Variants in ACAN observed in about 807,000 individuals in gnomAD.
The protein encoded by ACAN is aggrecan, also known as aggrecan core protein.
In ACAN, 47 loss-of-function variants were observed where a neutral mutation model predicts 169.1. The observed-to-expected ratio is 0.28, with a 90% CI of 0.22 to 0.35. ACAN has a LOEUF of 0.35. Ranked by LOEUF, ACAN falls within the 10% of genes least tolerant of loss-of-function variation. The probability of loss-of-function intolerance (pLI) is 1.00; values close to 1 mark genes in which losing one functional copy is unlikely to be tolerated. For missense variants in ACAN, 2,716 were observed against 2,759.9 expected, an observed-to-expected ratio of 0.98 and a Z score of 0.36; for synonymous variants, 1,115 against 1,112.2, an observed-to-expected ratio of 1.00 and a Z score of -0.05.
chr15:88,870,997 G>GC lies in ACAN; in HGVS notation c.7061-379dup, dbSNP rs1361295248. ...CAGCTCCACTCCCTCTCTCCCTGGA[G>GC]CCCCCCAGAGCCACAGAACCATGTT... is the stretch of plus-strand genomic sequence containing the variant. On this transcript the variant is annotated intron_variant, in intron 14 of 18. Transcript: ENST00000560601. This position sits in a 1 kb window ranked among gnomAD's most constrained non-coding sequence, Gnocchi z 6.3. 2.0e-5 allele frequency among the ~76,000 whole-genome samples: 3 copies of GC among 152,276 alleles called. No individual in the cohort carries two copies. The highest frequency in any genetic ancestry group is 3.9e-4 in the East Asian group (2 of 5,180).
At chr15:88,860,687 G>A (rs1399537104) in intron 13 of ACAN, among the ~76,000 whole-genome samples, 1 of 152,216 alleles carries the variant, frequency 6.6e-6, no homozygotes, top group Non-Finnish European at 1.5e-5. Flanking sequence ...TCAGGCTGAT[G>A]ACTATTGTAG....
rs995442921 is a variant in ACAN, at chr15:88,874,294, C to T, written c.7631-111C>T. The T allele has an allele frequency of 1.7e-6, 2 of 1,166,914 alleles. No homozygotes were observed. The highest frequency in any genetic ancestry group is 2.0e-5 in the Admixed American group (1 of 49,796). 72.3% of individuals were successfully genotyped at this position (1,166,914 alleles called of 1,614,324 possible). ...TCAGGAAAGCCGATAAAGCCTCAGG[C>T]GCCTGAGTCCTGGTTTCCACAAGGG... On this transcript the variant is annotated intron_variant, in intron 18 of 18. Coordinates refer to ENST00000560601, the MANE Select transcript of ACAN (RefSeq NM_001369268.1). The surrounding 1 kb of genome is among the most constrained non-coding windows in gnomAD (Gnocchi z 7.3).
chr15:88,863,956 G>C (rs57339904), intron 13 of ACAN, among the ~76,000 whole-genome samples: 7,582 of 152,256 alleles, frequency 0.05, 646 homozygotes, highest in African/African-American at 0.17. Flanking sequence ...AGGATCACTT[G>C]AGCCCAGGAG....
At position 88,839,698 on chromosome 15, in the gene ACAN, T is replaced by C. The variant is rs1452294488; in HGVS notation, c.455-314T>C. 6.6e-6 allele frequency among the ~76,000 whole-genome samples: 1 copy of C among 152,208 alleles called. No individual in the cohort carries two copies. Among genetic ancestry groups the C allele is most frequent in the African/African-American group, 2.4e-5 (1 of 41,438 alleles). ...AGTGTCTGTTTCTCTTAATGCAATA[T>C]GGGGGTCTTGGAGTGATAAGAAAAA... On this transcript the variant is annotated intron_variant, in intron 3 of 18. Coordinates refer to ENST00000560601, the MANE Select transcript of ACAN (RefSeq NM_001369268.1). This position sits in a 1 kb window ranked among gnomAD's most constrained non-coding sequence, Gnocchi z 4.5.
intron 1 of ACAN, among the ~76,000 whole-genome samples, chr15:88,816,508 C>G (rs1382994704): frequency 6.6e-6 from 1 of 152,198 alleles, no homozygotes; most frequent in Non-Finnish European, 1.5e-5. Context: ...ACATACTTCA[C>G]ACTGAAGCAG....
At chr15:88,815,331 G>A (rs1895911870) in intron 1 of ACAN, among the ~76,000 whole-genome samples, 1 of 152,064 alleles carries the variant, frequency 6.6e-6, no homozygotes, top group Non-Finnish European at 1.5e-5. Flanking sequence ...GGCCGAGGTG[G>A]GAGGATCACT....
chr15:88,819,578 C>G (rs1434442160), intron 1 of ACAN, among the ~76,000 whole-genome samples: 2 of 130,164 alleles, frequency 1.5e-5, no homozygotes. Context: ...GCCTGGGCAA[C>G]ATAATGAGAC....
At position 88,868,549 on chromosome 15, in the gene ACAN, C is replaced by T. The variant is rs893043101; in HGVS notation, c.7060+220C>T. ...ACCCTTTTCTGGAGCACTGGCTGAT[C>T]TGACTTTCTCCAGGGCTTCCAGATC... On this transcript the variant is annotated intron_variant, in intron 14 of 18. Coordinates refer to ENST00000560601, the MANE Select transcript of ACAN (RefSeq NM_001369268.1). This position sits in a 1 kb window ranked among gnomAD's most constrained non-coding sequence, Gnocchi z 5.2. 3.9e-5 allele frequency among the ~76,000 whole-genome samples: 6 copies of T among 152,202 alleles called. No individual in the cohort carries two copies. Among genetic ancestry groups the T allele is most frequent in the Non-Finnish European group, 8.8e-5 (6 of 68,050 alleles).
chr15:88,846,461 G>A (rs916275304), intron 7 of ACAN, among the ~76,000 whole-genome samples: 15 of 152,200 alleles, frequency 9.9e-5, no homozygotes, highest in African/African-American at 3.6e-4. Flanking sequence ...AAATTTCAAT[G>A]TCCACAAATA....
rs1406560855 is a variant in ACAN at position 88,857,090 on chromosome 15, G to C, written c.4505G>C (p.Gly1502Ala). 3 of 1,606,794 alleles carry C rather than the reference G, an allele frequency of 1.9e-6. No homozygotes were observed. The highest frequency in any genetic ancestry group is 3.4e-5 in the Admixed American group (2 of 59,454). The change falls in exon 12 of 19, where the codon GGA becomes GCA. Residue 1502 changes from glycine to alanine, a missense_variant. Physicochemically the swap from Gly to Ala is moderately conservative, Grantham distance 60. Coordinates refer to ENST00000560601, the MANE Select transcript of ACAN (RefSeq NM_001369268.1). Reference sequence around the variant, plus strand: ...GAGGTTGTAGAGACTTCTGCCTCTGGAATAGAGGATGTCAGTGAACTTCCT... The same window carrying C: ...GAGGTTGTAGAGACTTCTGCCTCTGCAATAGAGGATGTCAGTGAACTTCCT... The part of the protein sequence containing the change: ...SGEVVETSAS[G>A]IEDVSELPSG...
rs1394428589 is a variant in ACAN at position 88,870,202 on chromosome 15, C to G, written c.7061-1180C>G. 6.6e-6 allele frequency among the ~76,000 whole-genome samples: 1 copy of G among 152,174 alleles called. No homozygotes were observed. Among genetic ancestry groups the G allele is most frequent in the Non-Finnish European group, 1.5e-5 (1 of 68,032 alleles). ...CTCCCTCCACTGTCCCCAACTGTCTCTCCCCCACTTTGCCAAGCATCCACC... is the reference window on the plus strand; with the variant it reads ...CTCCCTCCACTGTCCCCAACTGTCTGTCCCCCACTTTGCCAAGCATCCACC... On this transcript the variant is annotated intron_variant, in intron 14 of 18. Transcript: ENST00000560601. This position sits in a 1 kb window ranked among gnomAD's most constrained non-coding sequence, Gnocchi z 6.3.
rs114513351 is a variant in ACAN at position 88,824,643 on chromosome 15, C to A, written c.-7-11557C>A. ...CCTATAATCCCAGCATTTTGGGAAG[C>A]CAAGTCAAGCGGATTACCTGAGGTC... On this transcript the variant is annotated intron_variant, in intron 1 of 18. Coordinates refer to ENST00000560601, the MANE Select transcript of ACAN (RefSeq NM_001369268.1). Among the ~76,000 whole-genome samples, 605 of 152,272 alleles carry A rather than the reference C, an allele frequency of 4.0e-3. 5 individuals carry two copies. The highest frequency in any genetic ancestry group is 0.014 in the African/African-American group (584 of 41,550).
intron 1 of ACAN, among the ~76,000 whole-genome samples, chr15:88,805,701 T>A (rs1895661471): frequency 6.6e-6 from 1 of 152,248 alleles, no homozygotes; most frequent in African/African-American, 2.4e-5. Flanking sequence ...ACTCAGTAAC[T>A]GTTTCATATT....
chr15:88,871,361 A>G lies in ACAN; in HGVS notation c.7061-21A>G. On this transcript the variant is annotated intron_variant, in intron 14 of 18. Transcript: ENST00000560601. This position sits in a 1 kb window ranked among gnomAD's most constrained non-coding sequence, Gnocchi z 7.8. ...CTGGTGGCCTCTGCCCCTCCCTTCAAGCCCCTGACCTGTGTTGCAGACCAG... is the reference window on the plus strand; with the variant it reads ...CTGGTGGCCTCTGCCCCTCCCTTCAGGCCCCTGACCTGTGTTGCAGACCAG... 1.9e-6 allele frequency: 3 copies of G among 1,613,530 alleles called. No homozygotes were observed. The highest frequency in any genetic ancestry group is 2.5e-6 in the Non-Finnish European group (3 of 1,179,836).
intron 1 of ACAN, among the ~76,000 whole-genome samples, chr15:88,821,511 G>A (rs186057558): frequency 6.6e-6 from 1 of 152,218 alleles, no homozygotes; most frequent in Non-Finnish European, 1.5e-5. Flanking sequence ...TTCACAGCTG[G>A]TCCATCTATA....
At chr15:88,818,621 CA>C (rs1028095070) in intron 1 of ACAN, among the ~76,000 whole-genome samples, 1 of 152,138 alleles carries the variant, frequency 6.6e-6, no homozygotes, top group Non-Finnish European at 1.5e-5. Context: ...ATTGGCCACT[CA>C]AATACTCAAT....
rs1176827309 is a variant in ACAN, at chr15:88,858,482, G to A, written c.5897G>A (p.Gly1966Asp). Residue 1966 changes from glycine to aspartate, a missense_variant, in exon 12 of 19, where the codon GGT becomes GAT. Transcript: ENST00000560601. The surrounding 1 kb of genome is among the most constrained non-coding windows in gnomAD (Gnocchi z 4.0). The stretch of plus-strand genomic sequence containing the variant: ...CCTTCTGGCATTTTAGAACTCAGTG[G>A]TGCTCATTCTGGAGCACCAGACATG... ...EGPSGILELS[G>D]AHSGAPDMSG... The A allele has an allele frequency of 1.2e-6, 2 of 1,613,740 alleles. No homozygotes were observed. Among genetic ancestry groups the A allele is most frequent in the Non-Finnish European group, 1.7e-6 (2 of 1,179,888 alleles).
At chr15:88,820,743 G>A (rs140581467) in intron 1 of ACAN, among the ~76,000 whole-genome samples, 42 of 152,218 alleles carry the variant, frequency 2.8e-4, no homozygotes, top group African/African-American at 9.6e-4. Flanking sequence ...GCCCCTCATT[G>A]AGAAGGGCTC....
chr15:88,805,886 C>G (rs1051868470), intron 1 of ACAN, among the ~76,000 whole-genome samples: 1 of 152,322 alleles, frequency 6.6e-6, no homozygotes, highest in East Asian at 1.9e-4. Context: ...CACCCACACG[C>G]CCAATCCCAG....
Sources: allele counts gnomAD v4.1 joint callset (sites outside exome capture counted in the v4.1 genomes callset), GRCh38; gene constraint gnomAD v4.1.1; non-coding constraint Gnocchi (gnomAD v3.1); transcripts MANE v1.5; gene names NCBI Gene and HGNC (gene_info 2026-07-23, HGNC 2026-07-21).